Variants in NBAS observed in about 807,000 individuals in gnomAD.
NBAS encodes the protein NBAS subunit of NRZ tethering complex.
Under a neutral mutation model 302.5 loss-of-function variants are expected in NBAS, and 219 were observed. That is an observed-to-expected ratio of 0.72 (90% CI 0.65 to 0.81). The LOEUF is 0.81. NBAS is among the 30% of genes least tolerant of loss of function. The probability of loss-of-function intolerance (pLI) is 0.00; values close to 1 mark genes in which losing one functional copy is unlikely to be tolerated. For synonymous variants in NBAS, 1,118 were observed against 1,021.6 expected (o/e 1.09, Z -1.80); for missense variants, 2,932 against 2,841.6 (o/e 1.03, Z -0.72).
the NBAS span, among the ~76,000 whole-genome samples, chr2:14,813,403 G>A: frequency 3.9e-5 from 6 of 152,162 alleles, no homozygotes. Context: ...AGATGGAGAT[G>A]AGGAACTTAT....
At chr2:15,045,218 A>G in the NBAS span, among the ~76,000 whole-genome samples, 1 of 152,236 alleles carries the variant, frequency 6.6e-6, no homozygotes, top group Non-Finnish European at 1.5e-5. Context: ...ACAATGCGAC[A>G]TGATCCTGAG....
Position 15,397,626 on chromosome 2 carries a change from T to C in NBAS, c.3072-1151A>G, listed in dbSNP as rs567695181. On this transcript the variant is annotated intron_variant, in intron 26 of 51. Coordinates refer to ENST00000281513, the MANE Select transcript of NBAS (RefSeq NM_015909.4). ...GTTTCAAAGACGCTCGCTTCAGAAA[T>C]GTTCCTGACTGCTGTGGCCTCCACT... is the stretch of plus-strand genomic sequence containing the variant. 1.2e-5 allele frequency: 7 copies of C among 587,312 alleles called. No homozygotes were observed. The East Asian group carries it at 2.7e-4, about 23-fold the overall frequency. The allele number at this position is 587,312 out of a possible 1,614,324, so 36.4% of individuals were successfully genotyped here. A position where few individuals can be genotyped will look rare whatever the true frequency, so the allele number is the denominator to read the frequency against.
At chr2:15,122,711 T>C in the NBAS span, among the ~76,000 whole-genome samples, 1 of 152,066 alleles carries the variant, frequency 6.6e-6, no homozygotes, top group Non-Finnish European at 1.5e-5. Flanking sequence ...CACCTAATAA[T>C]ACTGAGGAAG....
chr2:15,149,490 C>T, the NBAS span, among the ~76,000 whole-genome samples: 1 of 151,984 alleles, frequency 6.6e-6, no homozygotes, highest in South Asian at 2.1e-4. Context: ...TTTTATTTTT[C>T]TGTTTCTTTT....
chr2:15,006,053 T>C, the NBAS span, among the ~76,000 whole-genome samples: 3 of 152,178 alleles, frequency 2.0e-5, no homozygotes, highest in East Asian at 1.9e-4. Flanking sequence ...AAGAAACATA[T>C]GTGGTAATGA....
intron 44 of NBAS, among the ~76,000 whole-genome samples, chr2:15,240,996 G>A (rs1375379407): frequency 2.6e-5 from 4 of 152,066 alleles, no homozygotes; most frequent in Admixed American, 6.6e-5. Flanking sequence ...AGGGGTCATC[G>A]TGTACAAGAG....
intron 19 of NBAS, among the ~76,000 whole-genome samples, chr2:15,463,238 C>T (rs1679580881): frequency 1.3e-5 from 2 of 152,200 alleles, no homozygotes; most frequent in South Asian, 2.1e-4. Flanking sequence ...TGTGCCACTA[C>T]ACTCCAGCCT....
At chr2:15,378,655 G>C (rs1366362968) in intron 30 of NBAS, among the ~76,000 whole-genome samples, 1 of 152,150 alleles carries the variant, frequency 6.6e-6, no homozygotes, top group African/African-American at 2.4e-5. Flanking sequence ...CTATTTTATA[G>C]GAAAGTGTTG....
the NBAS span, among the ~76,000 whole-genome samples, chr2:14,833,436 T>C: frequency 6.6e-6 from 1 of 152,128 alleles, no homozygotes; most frequent in South Asian, 2.1e-4. Context: ...ATATTTCTCA[T>C]CTATAAAGTA....
the NBAS span, among the ~76,000 whole-genome samples, chr2:15,141,345 G>A: frequency 3.9e-5 from 6 of 152,214 alleles, no homozygotes; most frequent in African/African-American, 1.4e-4. Context: ...AGCTCATTTA[G>A]TACCGGGGAC....
intron 35 of NBAS, among the ~76,000 whole-genome samples, chr2:15,343,308 G>A (rs1475049538): frequency 6.6e-6 from 1 of 152,108 alleles, no homozygotes; most frequent in Non-Finnish European, 1.5e-5. Flanking sequence ...CTGGAGTGAA[G>A]TGCCACAGGA....
the NBAS span, among the ~76,000 whole-genome samples, chr2:15,093,793 T>C: frequency 6.6e-6 from 1 of 152,206 alleles, no homozygotes; most frequent in Non-Finnish European, 1.5e-5. Context: ...GCTCATAATA[T>C]GAATAATCAA....
At chr2:15,426,535 T>C (rs1407763734) in intron 22 of NBAS, among the ~76,000 whole-genome samples, 1 of 152,226 alleles carries the variant, frequency 6.6e-6, no homozygotes, top group South Asian at 2.1e-4. Context: ...GGAAAGTTTC[T>C]TGCTTTTATC....
intron 21 of NBAS, among the ~76,000 whole-genome samples, chr2:15,438,919 T>C (rs1260291874): frequency 1.3e-5 from 2 of 152,136 alleles, no homozygotes; most frequent in Non-Finnish European, 2.9e-5. Flanking sequence ...CCAGGAATAG[T>C]TCAAGTTCCA....
chr2:15,007,553 C>T, the NBAS span, among the ~76,000 whole-genome samples: 1 of 151,952 alleles, frequency 6.6e-6, no homozygotes, highest in African/African-American at 2.4e-5. Context: ...ACATATTTTA[C>T]CAGAAATCAG....
At chr2:15,514,333 G>C (rs1662286180) in intron 9 of NBAS, among the ~76,000 whole-genome samples, 3 of 151,988 alleles carry the variant, frequency 2.0e-5, no homozygotes, top group Non-Finnish European at 4.4e-5. Context: ...AAGTCCATTT[G>C]ATAGGAAAAA....
At chr2:15,073,261 C>T in the NBAS span, among the ~76,000 whole-genome samples, 1 of 152,032 alleles carries the variant, frequency 6.6e-6, no homozygotes, top group South Asian at 2.1e-4. Flanking sequence ...AGCAGATCAC[C>T]TGAGATCAGG....
chr2:14,911,840 G>A, the NBAS span, among the ~76,000 whole-genome samples: 1 of 152,188 alleles, frequency 6.6e-6, no homozygotes, highest in African/African-American at 2.4e-5. Context: ...TTCCCCACCT[G>A]TAAAATAGGG....
chr2:15,315,556 A>G (rs1468241334), intron 38 of NBAS, among the ~76,000 whole-genome samples: 1 of 152,240 alleles, frequency 6.6e-6, no homozygotes, highest in African/African-American at 2.4e-5. Flanking sequence ...GACAAGTTAT[A>G]TATGCCTGGT....
Sources: gnomAD v4.1 joint callset for allele counts (sites outside exome capture counted in the v4.1 genomes callset) on GRCh38, gnomAD v4.1.1 for gene constraint, MANE v1.5 for transcripts, NCBI Gene and HGNC (gene_info 2026-07-23, HGNC 2026-07-21) for gene names.